The following SGCD variants were observed in gnomAD, a reference collection of about 807,000 sequenced individuals.
SGCD encodes the protein sarcoglycan delta.
SGCD carries 18 observed loss-of-function variants against 36.6 expected under a neutral mutation model. The observed-to-expected ratio is 0.49, with a 90% CI of 0.34 to 0.73. The LOEUF is 0.73. Ranked by LOEUF, SGCD falls within the 30% of genes least tolerant of loss-of-function variation. The pLI is 0.01. For synonymous variants in SGCD, 133 were observed against 130.6 expected, an observed-to-expected ratio of 1.02 and a Z score of -0.12; for missense variants, 387 against 346.7, an observed-to-expected ratio of 1.12 and a Z score of -0.92.
At chr5:156,230,183 T>G (rs925873682) in intron 3 of SGCD, among the ~76,000 whole-genome samples, 1 of 152,176 alleles carries the variant, frequency 6.6e-6, no homozygotes, top group Non-Finnish European at 1.5e-5. Flanking sequence ...TTGGAGTAAA[T>G]CAGGGGTTTC....
intron 3 of SGCD, among the ~76,000 whole-genome samples, chr5:156,186,734 G>C (rs1439236699): frequency 6.6e-6 from 1 of 152,146 alleles, no homozygotes; most frequent in Non-Finnish European, 1.5e-5. Flanking sequence ...TGTCACATCT[G>C]AACTTGTTTT....
chr5:155,734,042 CTCTT>C, the SGCD span, among the ~76,000 whole-genome samples: 1 of 148,294 alleles, frequency 6.7e-6, no homozygotes, highest in African/African-American at 2.5e-5. Context: ...CACAGATTCT[CTCTT>C]TATTTTATTT....
intron 1 of SGCD, among the ~76,000 whole-genome samples, chr5:155,962,580 C>T (rs1757812939): frequency 6.6e-6 from 1 of 152,054 alleles, no homozygotes; most frequent in African/African-American, 2.4e-5. Context: ...CAGCAGAAAG[C>T]AATGAGCTGT....
At chr5:155,825,056 A>AT in the SGCD span, among the ~76,000 whole-genome samples, 5 of 152,096 alleles carry the variant, frequency 3.3e-5, no homozygotes, top group African/African-American at 9.7e-5. Flanking sequence ...CCAAACTATC[A>AT]TTTTTTAAAA....
At chr5:156,442,900 T>G (rs1157926899) in intron 3 of SGCD, among the ~76,000 whole-genome samples, 1 of 152,144 alleles carries the variant, frequency 6.6e-6, no homozygotes, top group Non-Finnish European at 1.5e-5. Flanking sequence ...CGGTGGTTGG[T>G]ATTTTGGAAG....
Position 156,458,619 on chromosome 5 carries a change from G to GA in SGCD, c.193-49975dup, listed in dbSNP as rs1031795152. 45 of 654,252 alleles carry GA rather than the reference G, an allele frequency of 6.9e-5. No homozygotes were observed. The Admixed American group carries it at 8.7e-4, about 13-fold the overall frequency. 40.5% of individuals were successfully genotyped at this position (654,252 alleles called of 1,614,324 possible). A position where few individuals can be genotyped will look rare whatever the true frequency, so the allele number is the denominator to read the frequency against. ...ACCTCAGATTTTTATTTGTAAAAATGAAAAAAATACAATATTCATGCAGAT... is the reference window on the plus strand; with the variant it reads ...ACCTCAGATTTTTATTTGTAAAAATGAAAAAAAATACAATATTCATGCAGAT... On this transcript the variant is annotated intron_variant, in intron 3 of 8. Coordinates refer to ENST00000337851, the MANE Select transcript of SGCD (RefSeq NM_000337.6).
chr5:155,957,073 T>A lies in SGCD; in HGVS notation c.-282+86649T>A, dbSNP rs1410024083. ...GAGGGTGATAGGAGTGCAGAAGTGA[T>A]GCGGTTTTGAATAAGGTGCTCAAGG... On this transcript the variant is annotated intron_variant, in intron 1 of 9. Coordinates refer to the SGCD transcript ENST00000517913. 2.0e-5 allele frequency among the ~76,000 whole-genome samples: 3 copies of A among 151,202 alleles called. No individual in the cohort carries two copies. The East Asian group carries it at 5.9e-4, about 30-fold the overall frequency.
intron 3 of SGCD, among the ~76,000 whole-genome samples, chr5:156,151,971 TGA>T (rs1762844767): frequency 6.6e-6 from 1 of 151,426 alleles, no homozygotes; most frequent in Non-Finnish European, 1.5e-5. Flanking sequence ...GTGAGGATCA[TGA>T]GCTAGAGCCA....
chr5:156,197,482 T>TTTTTTTTG, intron 3 of SGCD, among the ~76,000 whole-genome samples: 1 of 151,642 alleles, frequency 6.6e-6, no homozygotes, highest in Non-Finnish European at 1.5e-5. Context: ...CTTTTTTTTT[T>TTTTTTTTG]TTTTTGGCTA....
intron 3 of SGCD, among the ~76,000 whole-genome samples, chr5:156,465,502 G>GT (rs1185712825): frequency 1.3e-5 from 2 of 152,082 alleles, no homozygotes; most frequent in Non-Finnish European, 2.9e-5. Flanking sequence ...AGACATCTCC[G>GT]TAAGTACAAA....
In SGCD at chr5:156,344,406, A is replaced by T; in HGVS notation, c.4-83A>T. On this transcript the variant is annotated intron_variant, in intron 2 of 8. Coordinates refer to ENST00000337851, the MANE Select transcript of SGCD (RefSeq NM_000337.6). ...CAGCAGCCAGCCATATCTCTTCATC[A>T]GTTGATTTTTTTTTCCTTTATTTTT... The T allele has an allele frequency of 3.3e-6, 3 of 915,298 alleles. 1 individual carries two copies. In the South Asian group the frequency reaches 5.1e-5, roughly 16 times the overall value. 56.7% of individuals were successfully genotyped at this position (915,298 alleles called of 1,614,324 possible). A position where few individuals can be genotyped will look rare whatever the true frequency, so the allele number is the denominator to read the frequency against.
intron 3 of SGCD, among the ~76,000 whole-genome samples, chr5:156,252,488 T>TAA (rs1304812613): frequency 6.6e-6 from 1 of 152,266 alleles, no homozygotes; most frequent in Non-Finnish European, 1.5e-5. Flanking sequence ...CGTCCTTTTT[T>TAA]AAAGGAAATA....
intron 3 of SGCD, among the ~76,000 whole-genome samples, chr5:156,156,356 C>T (rs1421525932): frequency 2.0e-5 from 3 of 151,464 alleles, no homozygotes; most frequent in Admixed American, 6.6e-5. Flanking sequence ...TGGCTGGGCA[C>T]GGTGGCTCAC....
intron 3 of SGCD, among the ~76,000 whole-genome samples, chr5:156,129,032 G>A (rs1309514989): frequency 6.6e-6 from 1 of 152,066 alleles, no homozygotes; most frequent in Non-Finnish European, 1.5e-5. Flanking sequence ...GACAGAAATC[G>A]GCTCAGTGCT....
intron 3 of SGCD, among the ~76,000 whole-genome samples, chr5:156,361,734 A>T (rs953900551): frequency 1.3e-5 from 2 of 152,230 alleles, no homozygotes; most frequent in Non-Finnish European, 2.9e-5. Flanking sequence ...AATATTTTAT[A>T]TGTACACATT....
intron 3 of SGCD, among the ~76,000 whole-genome samples, chr5:156,444,101 T>TCCTTCC (rs1485939965): frequency 1.5e-4 from 17 of 112,482 alleles, no homozygotes; most frequent in African/African-American, 7.1e-4. Flanking sequence ...TCTCTCTCTC[T>TCCTTCC]CTCTCTCTCT....
chr5:156,101,293 C>G (rs1020680171), intron 1 of SGCD, among the ~76,000 whole-genome samples: 1 of 152,162 alleles, frequency 6.6e-6, no homozygotes. Flanking sequence ...GCTGGCCTGG[C>G]GAAGCTTCAT....
chr5:155,878,102 T>C (rs1755802432), intron 1 of SGCD, among the ~76,000 whole-genome samples: 1 of 152,076 alleles, frequency 6.6e-6, no homozygotes, highest in Admixed American at 6.6e-5. Flanking sequence ...ATGGCAGAAC[T>C]GGAATTTTAA....
intron 3 of SGCD, among the ~76,000 whole-genome samples, chr5:156,284,103 C>T (rs188814492): frequency 6.6e-6 from 1 of 152,234 alleles, no homozygotes; most frequent in Admixed American, 6.5e-5. Context: ...AATTCTTACA[C>T]CTTCCCAAGA....
Sources: gnomAD v4.1 joint callset for allele counts (sites outside exome capture counted in the v4.1 genomes callset) on GRCh38, gnomAD v4.1.1 for gene constraint, MANE v1.5 for transcripts, NCBI Gene and HGNC (gene_info 2026-07-23, HGNC 2026-07-21) for gene names.